The following DNAJC3 variants were observed in gnomAD, a reference collection of about 807,000 sequenced individuals.
DNAJC3 encodes the protein dnaJ homolog subfamily C member 3.
Under a neutral mutation model 68.6 loss-of-function variants are expected in DNAJC3, and 38 were observed. The observed-to-expected ratio is 0.55, with a 90% CI of 0.43 to 0.73. DNAJC3 has a LOEUF of 0.73. Ranked by LOEUF, DNAJC3 falls within the 30% of genes least tolerant of loss-of-function variation. The pLI, the probability that DNAJC3 is intolerant of heterozygous loss-of-function variation, is 0.00. For synonymous variants in DNAJC3, 203 were observed against 204.0 expected (o/e 1.00, Z 0.04); for missense variants, 526 against 591.9 (o/e 0.89, Z 1.16).
intron 1 of DNAJC3, among the ~76,000 whole-genome samples, chr13:95,690,461 C>T (rs1314230877): frequency 3.3e-5 from 5 of 151,800 alleles, no homozygotes; most frequent in Admixed American, 1.3e-4. Context: ...TCCACAAAAC[C>T]GCCATTGTCA....
intron 4 of DNAJC3, chr13:95,745,157 T>A (rs1882264644): frequency 1.3e-5 from 2 of 152,210 alleles, no homozygotes; most frequent in Non-Finnish European, 2.9e-5. Flanking sequence ...TGGGCATACA[T>A]AATAATGTCA....
chr13:95,721,572 G>A (rs1432665650), intron 2 of DNAJC3, among the ~76,000 whole-genome samples: 1 of 150,818 alleles, frequency 6.6e-6, no homozygotes, highest in African/African-American at 2.4e-5. Context: ...GCGAACATTT[G>A]TTATTTTATC....
chr13:95,779,243 C>T (rs1883374861), intron 9 of DNAJC3, among the ~76,000 whole-genome samples: 1 of 151,224 alleles, frequency 6.6e-6, no homozygotes, highest in Admixed American at 6.6e-5. Flanking sequence ...CCTGCCTCAG[C>T]CTCCTGAGTA....
intron 4 of DNAJC3, among the ~76,000 whole-genome samples, chr13:95,754,117 G>A (rs1252081377): frequency 6.6e-6 from 1 of 152,208 alleles, no homozygotes. Context: ...TGGCCATGGT[G>A]TAGCAGGGTC....
intron 1 of DNAJC3, among the ~76,000 whole-genome samples, chr13:95,691,379 G>C (rs1480552502): frequency 6.6e-6 from 1 of 151,168 alleles, no homozygotes; most frequent in Non-Finnish European, 1.5e-5. Flanking sequence ...CTTCTCAGAC[G>C]GGGCGGCCGG....
intron 3 of DNAJC3, 115 bp downstream of exon 3, chr13:95,723,481 C>T: frequency 1.7e-6 from 2 of 1,204,570 alleles, no homozygotes; most frequent in Non-Finnish European, 2.3e-6. Flanking sequence ...ATCAAAGCTA[C>T]AGTGATGTTG....
chr13:95,718,951 A>C (rs186214223), intron 2 of DNAJC3, among the ~76,000 whole-genome samples: 103 of 152,288 alleles, frequency 6.8e-4, no homozygotes, highest in African/African-American at 2.3e-3. Flanking sequence ...CCACAGATTG[A>C]GAGCTCAGTG....
rs935866746 is a variant in DNAJC3, at chr13:95,787,163, T to C, written c.1357+8T>C. ...AAGTCCTCTCTGATCCAGGTATTAT[T>C]AGCTTTTATTCCTTTGACTCATCCT... is the stretch of plus-strand genomic sequence containing the variant. On this transcript the variant is annotated splice_region_variant and intron_variant, in intron 11 of 11. Coordinates refer to ENST00000602402, the MANE Select transcript of DNAJC3 (RefSeq NM_006260.5). 2 of 1,607,774 alleles carry C rather than the reference T, an allele frequency of 1.2e-6. No homozygotes were observed. The highest frequency in any genetic ancestry group is 3.4e-5 in the Admixed American group (2 of 58,402).
intron 4 of DNAJC3, among the ~76,000 whole-genome samples, chr13:95,731,746 G>A (rs71433093): frequency 0.012 from 1,857 of 151,746 alleles, 15 homozygotes; most frequent in Middle Eastern, 0.02. Context: ...GACATGACTC[G>A]CTGCAGCCTC....
intron 2 of DNAJC3, among the ~76,000 whole-genome samples, chr13:95,717,732 TTC>T (rs1456253756): frequency 2.6e-5 from 4 of 152,240 alleles, no homozygotes; most frequent in Admixed American, 6.5e-5. Context: ...TTGGCTCTCA[TTC>T]TCTCTTGTCT....
intron 4 of DNAJC3, among the ~76,000 whole-genome samples, chr13:95,749,064 G>T (rs1364712363): frequency 1.3e-5 from 2 of 152,162 alleles, no homozygotes; most frequent in Non-Finnish European, 2.9e-5. Context: ...ATTATTTTAT[G>T]TACTACTAGA....
chr13:95,736,193 G>A (rs2139653078), intron 4 of DNAJC3, among the ~76,000 whole-genome samples: 1 of 152,230 alleles, frequency 6.6e-6, no homozygotes, highest in East Asian at 1.9e-4. Context: ...CTCTGTTTTG[G>A]TACTAGTACC....
Position 95,709,678 on chromosome 13 carries a change from C to T in DNAJC3, c.193+341C>T, listed in dbSNP as rs1419605449. Among the ~76,000 whole-genome samples the T allele has an allele frequency of 6.7e-5, 9 of 133,514 alleles. No homozygotes were observed. The Admixed American group carries it at 7.0e-4, about 10-fold the overall frequency. 87.6% of individuals were successfully genotyped at this position (133,514 alleles called of 152,430 possible). ...AGACGGAGTCTCGCTCTGTCGCTGT[C>T]GCCCAGGCTGGAGTGCAGTGGCACG... On this transcript the variant is annotated intron_variant, in intron 2 of 11. Transcript: ENST00000602402.
At chr13:95,770,766 G>A (rs1488758259) in intron 9 of DNAJC3, among the ~76,000 whole-genome samples, 1 of 152,156 alleles carries the variant, frequency 6.6e-6, no homozygotes. Flanking sequence ...CCTCTTTACT[G>A]AGCTCACAGC....
intron 4 of DNAJC3, among the ~76,000 whole-genome samples, chr13:95,741,907 C>T (rs993424431): frequency 6.6e-6 from 1 of 152,120 alleles, no homozygotes; most frequent in African/African-American, 2.4e-5. Context: ...GGGTAGTGAG[C>T]CATGCCAGGC....
intron 1 of DNAJC3, among the ~76,000 whole-genome samples, chr13:95,705,575 T>A (rs1035276462): frequency 2.6e-5 from 4 of 151,828 alleles, no homozygotes; most frequent in African/African-American, 9.7e-5. Flanking sequence ...TCTCCTAGAC[T>A]GGAGTATAGT....
At chr13:95,789,984 T>G (rs1385284161) in intron 11 of DNAJC3, among the ~76,000 whole-genome samples, 2 of 152,206 alleles carry the variant, frequency 1.3e-5, no homozygotes, top group Non-Finnish European at 2.9e-5. Context: ...GTTGTTTTCT[T>G]GTACATTTAA....
At chr13:95,716,902 T>C (rs1337235802) in intron 2 of DNAJC3, among the ~76,000 whole-genome samples, 1 of 152,156 alleles carries the variant, frequency 6.6e-6, no homozygotes, top group Non-Finnish European at 1.5e-5. Context: ...CAGGAGTGCC[T>C]GTTCTCACTT....
intron 1 of DNAJC3, among the ~76,000 whole-genome samples, 184 bp downstream of exon 1, chr13:95,677,521 G>C (rs929816651): frequency 3.9e-5 from 6 of 152,222 alleles, no homozygotes; most frequent in African/African-American, 9.6e-5. Context: ...GAAGAATCGA[G>C]GGGACTGGCG....
Sources: gnomAD v4.1 joint callset for allele counts (sites outside exome capture counted in the v4.1 genomes callset) on GRCh38, gnomAD v4.1.1 for gene constraint, MANE v1.5 for transcripts, NCBI Gene and HGNC (gene_info 2026-07-23, HGNC 2026-07-21) for gene names.